Variants in LMBR1 observed in about 807,000 individuals in gnomAD.
LMBR1 encodes limb development membrane protein 1.
Under a neutral mutation model 73.9 loss-of-function variants are expected in LMBR1, and 52 were observed. That is an observed-to-expected ratio of 0.70 (90% CI 0.56 to 0.89). The LOEUF (loss-of-function observed/expected upper bound fraction) is 0.89, where lower values mean the gene tolerates loss of function less well. Among genes scored for constraint, LMBR1 ranks in the 40% least tolerant of loss-of-function variants. The probability of loss-of-function intolerance (pLI) is 0.00; values close to 1 mark genes in which losing one functional copy is unlikely to be tolerated. For synonymous variants in LMBR1, 215 were observed against 209.4 expected (o/e 1.03, Z -0.23); for missense variants, 539 against 579.8 (o/e 0.93, Z 0.72).
chr7:156,713,655 T>A (rs777441202), intron 15 of LMBR1, among the ~76,000 whole-genome samples: 2 of 152,052 alleles, frequency 1.3e-5, no homozygotes, highest in African/African-American at 2.4e-5. Context: ...GAGAAATGTT[T>A]GGGGGTGATG....
intron 1 of LMBR1, among the ~76,000 whole-genome samples, chr7:156,848,838 C>A (rs1310557330): frequency 6.7e-6 from 1 of 148,710 alleles, no homozygotes; most frequent in East Asian, 2.0e-4. Context: ...AGCTCAAGTA[C>A]AAGAATCACT....
chr7:156,832,470 C>T (rs1219549605), intron 3 of LMBR1, among the ~76,000 whole-genome samples: 1 of 152,134 alleles, frequency 6.6e-6, no homozygotes, highest in African/African-American at 2.4e-5. Context: ...CCCCATTCTC[C>T]TCTCCCTCAG....
At chr7:156,865,836 G>A (rs909798118) in intron 1 of LMBR1, among the ~76,000 whole-genome samples, 3 of 152,066 alleles carry the variant, frequency 2.0e-5, no homozygotes, top group Non-Finnish European at 2.9e-5. Context: ...GGGGTATGGG[G>A]GAAATAGCCT....
chr7:156,881,241 G>A (rs1452345418), intron 1 of LMBR1, among the ~76,000 whole-genome samples: 1 of 152,150 alleles, frequency 6.6e-6, no homozygotes, highest in African/African-American at 2.4e-5. Context: ...ACACAACGGG[G>A]AAAGAAAAAT....
intron 4 of LMBR1, among the ~76,000 whole-genome samples, chr7:156,812,834 C>T (rs560064205): frequency 2.0e-5 from 3 of 152,256 alleles, no homozygotes; most frequent in African/African-American, 7.2e-5. Context: ...CTCTAGCCCC[C>T]TTGGTCTCTC....
At chr7:156,808,004 A>T (rs1832441975) in intron 4 of LMBR1, among the ~76,000 whole-genome samples, 1 of 152,116 alleles carries the variant, frequency 6.6e-6, no homozygotes, top group South Asian at 2.1e-4. Context: ...TTAAAATCCT[A>T]AAATGTATTG....
chr7:156,886,071 C>A (rs1801851192), intron 1 of LMBR1, among the ~76,000 whole-genome samples: 1 of 151,150 alleles, frequency 6.6e-6, no homozygotes, highest in African/African-American at 2.4e-5. Context: ...AAAAGACTTC[C>A]TTCAAGTAGG....
chr7:156,833,111 T>TA (rs943963846), intron 3 of LMBR1, among the ~76,000 whole-genome samples: 7 of 151,990 alleles, frequency 4.6e-5, no homozygotes, highest in African/African-American at 7.3e-5. Flanking sequence ...ACAGTTGGAG[T>TA]AAAAAAAACT....
At chr7:156,777,074 G>A (rs1036238117) in intron 5 of LMBR1, among the ~76,000 whole-genome samples, 3 of 152,038 alleles carry the variant, frequency 2.0e-5, no homozygotes, top group Non-Finnish European at 2.9e-5. Flanking sequence ...TGGGACTACA[G>A]GCGCCAGCCA....
chr7:156,833,092 G>A (rs903140117), intron 3 of LMBR1, among the ~76,000 whole-genome samples: 6 of 152,116 alleles, frequency 3.9e-5, no homozygotes, highest in Non-Finnish European at 5.9e-5. Flanking sequence ...TCAGATGAGC[G>A]ACTTCTAAAC....
At chr7:156,758,647 G>A (rs1198605456) in intron 8 of LMBR1, among the ~76,000 whole-genome samples, 2 of 152,122 alleles carry the variant, frequency 1.3e-5, no homozygotes, top group Non-Finnish European at 2.9e-5. Context: ...CTTGCCCTGT[G>A]ACACAAATGC....
intron 1 of LMBR1, among the ~76,000 whole-genome samples, chr7:156,877,526 A>T (rs1486963714): frequency 6.6e-6 from 1 of 152,146 alleles, no homozygotes; most frequent in Non-Finnish European, 1.5e-5. Flanking sequence ...GAATCCAAAA[A>T]CATATCAAAA....
chr7:156,836,967 T>C (rs988026636), intron 1 of LMBR1, 82 bp from the exon 2 acceptor site: 4 of 892,824 alleles, frequency 4.5e-6, no homozygotes, highest in Non-Finnish European at 5.1e-6. Flanking sequence ...GTGATATTTA[T>C]AGGAAAAAAG....
intron 5 of LMBR1, among the ~76,000 whole-genome samples, chr7:156,783,024 G>T (rs926044512): frequency 1.3e-5 from 2 of 151,946 alleles, no homozygotes; most frequent in African/African-American, 4.8e-5. Flanking sequence ...AAATTGCTCC[G>T]GCTATTCTTG....
chr7:156,850,185 C>T (rs190250092), intron 1 of LMBR1, among the ~76,000 whole-genome samples: 8 of 152,218 alleles, frequency 5.3e-5, no homozygotes, highest in East Asian at 1.9e-4. Flanking sequence ...GGGTTAGTTA[C>T]GGTGAGAGCA....
intron 1 of LMBR1, among the ~76,000 whole-genome samples, chr7:156,884,160 C>T (rs754339807): frequency 3.3e-5 from 5 of 152,168 alleles, no homozygotes; most frequent in African/African-American, 4.8e-5. Context: ...TTTACAACCA[C>T]GTGAGAAAAA....
intron 15 of LMBR1, among the ~76,000 whole-genome samples, chr7:156,692,592 G>A (rs2131944934): frequency 6.6e-6 from 1 of 152,344 alleles, no homozygotes; most frequent in Non-Finnish European, 1.5e-5. Flanking sequence ...TGATCACTGA[G>A]AGATGAGAAA....
rs1291381583 is a variant in LMBR1 at position 156,726,370 on chromosome 7, TA to T, written c.994-534del. Among the ~76,000 whole-genome samples the T allele has an allele frequency of 1.7e-4, 26 of 152,280 alleles. No homozygotes were observed. The South Asian group carries it at 5.4e-3, about 32-fold the overall frequency. ...TGGGAATTCAGAGTTACAAAGGATG[TA>T]ACTGTTAACATAGATTTTTAAAAAA... On this transcript the variant is annotated intron_variant, in intron 12 of 16. Transcript: ENST00000353442.
chr7:156,719,603 C>T (rs1814055475), intron 15 of LMBR1, among the ~76,000 whole-genome samples: 1 of 152,094 alleles, frequency 6.6e-6, no homozygotes, highest in African/African-American at 2.4e-5. Flanking sequence ...GAAAAAACTA[C>T]TTTAAAGTTC....
Sources: gnomAD v4.1 joint callset for allele counts (sites outside exome capture counted in the v4.1 genomes callset) on GRCh38, gnomAD v4.1.1 for gene constraint, MANE v1.5 for transcripts, NCBI Gene and HGNC (gene_info 2026-07-23, HGNC 2026-07-21) for gene names.